Variants in CDK14 observed in about 807,000 individuals in gnomAD.
CDK14 encodes the protein cyclin dependent kinase 14.
Under a neutral mutation model 60.7 loss-of-function variants are expected in CDK14, and 34 were observed. The observed-to-expected ratio is 0.56, with a 90% CI of 0.43 to 0.75. The LOEUF (loss-of-function observed/expected upper bound fraction) is 0.75, where lower values mean the gene tolerates loss of function less well. CDK14 is among the 30% of genes least tolerant of loss of function. The pLI is 0.00. For synonymous variants in CDK14, 197 were observed against 203.7 expected (o/e 0.97, Z 0.28); for missense variants, 482 against 564.1 (o/e 0.85, Z 1.47).
At chr7:90,625,775 TC>T (rs898902969) in intron 2 of CDK14, among the ~76,000 whole-genome samples, 9 of 152,174 alleles carry the variant, frequency 5.9e-5, no homozygotes, top group Admixed American at 3.9e-4. Context: ...ATGGGATTGT[TC>T]CCCCGGCCAG....
At chr7:90,692,198 CGTTG>C (rs1801567188) in intron 2 of CDK14, among the ~76,000 whole-genome samples, 1 of 152,130 alleles carries the variant, frequency 6.6e-6, no homozygotes, top group South Asian at 2.1e-4. Context: ...CTTCTTATAT[CGTTG>C]GTCCATCGAA....
chr7:90,631,285 C>T (rs904905434), intron 2 of CDK14, among the ~76,000 whole-genome samples: 1 of 152,176 alleles, frequency 6.6e-6, no homozygotes, highest in Non-Finnish European at 1.5e-5. Context: ...TACATGGTGA[C>T]TCTTAGCCAG....
chr7:90,681,312 T>C (rs1261369059), intron 2 of CDK14, among the ~76,000 whole-genome samples: 1 of 152,218 alleles, frequency 6.6e-6, no homozygotes, highest in African/African-American at 2.4e-5. Flanking sequence ...CTGTGTACTT[T>C]TGGCAAACTG....
intron 2 of CDK14, among the ~76,000 whole-genome samples, chr7:90,651,196 G>A (rs1206325751): frequency 6.6e-6 from 1 of 152,076 alleles, no homozygotes; most frequent in Non-Finnish European, 1.5e-5. Context: ...TGGATTCCTA[G>A]GTATTTTATT....
At chr7:90,970,497 T>A (rs1393779442) in intron 9 of CDK14, among the ~76,000 whole-genome samples, 2 of 152,170 alleles carry the variant, frequency 1.3e-5, no homozygotes, top group Non-Finnish European at 2.9e-5. Context: ...GCTGACCAAA[T>A]AAAGACAGGT....
chr7:90,986,745 A>G (rs920244332), intron 10 of CDK14, among the ~76,000 whole-genome samples: 2 of 151,918 alleles, frequency 1.3e-5, no homozygotes, highest in Non-Finnish European at 1.5e-5. Context: ...AATATTTAGC[A>G]TTTTTATTTA....
At chr7:90,693,782 T>C (rs886844044) in intron 2 of CDK14, among the ~76,000 whole-genome samples, 4 of 152,338 alleles carry the variant, frequency 2.6e-5, no homozygotes, top group African/African-American at 7.2e-5. Context: ...GTAATGATCC[T>C]GTTTCTAGAT....
At chr7:90,764,004 G>C (rs1268084090) in intron 4 of CDK14, among the ~76,000 whole-genome samples, 1 of 151,802 alleles carries the variant, frequency 6.6e-6, no homozygotes, top group Non-Finnish European at 1.5e-5. Flanking sequence ...TATTTTTCTG[G>C]AACTTGGTAA....
chr7:90,597,982 G>A (rs989004557), intron 1 of CDK14, among the ~76,000 whole-genome samples: 1 of 152,088 alleles, frequency 6.6e-6, no homozygotes, highest in Non-Finnish European at 1.5e-5. Context: ...TCAGAATTAG[G>A]GATACATGTG....
chr7:90,898,381 C>T (rs1382116548), intron 6 of CDK14, among the ~76,000 whole-genome samples: 1 of 152,048 alleles, frequency 6.6e-6, no homozygotes, highest in Non-Finnish European at 1.5e-5. Context: ...ATAACAGAAC[C>T]TGAACTGTTG....
At chr7:90,882,443 AAAC>A (rs1399064121) in intron 6 of CDK14, among the ~76,000 whole-genome samples, 2 of 152,218 alleles carry the variant, frequency 1.3e-5, no homozygotes, top group East Asian at 3.9e-4. Context: ...CAGATTCATA[AAAC>A]AAGTTCTTAG....
intron 4 of CDK14, among the ~76,000 whole-genome samples, chr7:90,776,258 G>T (rs1427795483): frequency 6.6e-6 from 1 of 152,050 alleles, no homozygotes; most frequent in Non-Finnish European, 1.5e-5. Flanking sequence ...CATTTTGGTT[G>T]CTTGGTACTT....
chr7:91,189,694 C>A (rs1255466580), intron 14 of CDK14, among the ~76,000 whole-genome samples: 1 of 152,026 alleles, frequency 6.6e-6, no homozygotes, highest in Admixed American at 6.6e-5. Context: ...TCGATGTATC[C>A]AGTACTACTA....
intron 3 of CDK14, among the ~76,000 whole-genome samples, chr7:90,733,027 C>G (rs1802935704): frequency 1.3e-5 from 2 of 152,094 alleles, no homozygotes; most frequent in Non-Finnish European, 2.9e-5. Context: ...CCTGGAGATT[C>G]TGGTATGTTG....
intron 14 of CDK14, among the ~76,000 whole-genome samples, chr7:91,132,241 T>A (rs74763459): frequency 6.6e-6 from 1 of 152,106 alleles, no homozygotes; most frequent in Non-Finnish European, 1.5e-5. Flanking sequence ...GGAAGAGATT[T>A]TGAACAAAAG....
At chr7:91,046,046 C>T (rs1797223002) in intron 11 of CDK14, 86 bp downstream of exon 11, 5 of 863,670 alleles carry the variant, frequency 5.8e-6, no homozygotes, top group Non-Finnish European at 9.6e-6. Context: ...CAATATACCA[C>T]CTTGAAAAAT....
In CDK14 at chr7:91,172,937, G is replaced by GT. The variant is rs534252649; in HGVS notation, c.*29-34223dup. 3.9e-3 allele frequency among the ~76,000 whole-genome samples: 600 copies of GT among 152,172 alleles called. 8 individuals carry two copies. Among genetic ancestry groups the GT allele is most frequent in the African/African-American group, 0.014 (562 of 41,502 alleles). On this transcript the variant is annotated intron_variant, in intron 14 of 14. Coordinates refer to ENST00000380050, the MANE Select transcript of CDK14 (RefSeq NM_001287135.2). ...GTATGTTTCACATCCCATTCCTGTA[G>GT]TTTTTGAACGAGGATGAAGGTACCC...
rs943405070 is a variant in CDK14 at position 90,634,959 on chromosome 7, T to C, written c.123+30710T>C. ...TTGAGAAGTGTCTGTTCATGTCCTT[T>C]GCCCACTTTTTGATGGGGTTGTTTG... is the stretch of plus-strand genomic sequence containing the variant. On this transcript the variant is annotated intron_variant, in intron 2 of 14. Coordinates refer to ENST00000380050, the MANE Select transcript of CDK14 (RefSeq NM_001287135.2). Among the ~76,000 whole-genome samples, 16 of 152,168 alleles carry C rather than the reference T, an allele frequency of 1.1e-4. 1 individual carries two copies. The highest frequency in any genetic ancestry group is 2.0e-4 in the Admixed American group (3 of 15,270).
intron 2 of CDK14, among the ~76,000 whole-genome samples, chr7:90,684,832 CT>C (rs1161920507): frequency 6.6e-6 from 1 of 152,096 alleles, no homozygotes; most frequent in East Asian, 1.9e-4. Flanking sequence ...CATGTATCTA[CT>C]GCACATATAT....
Sources: gnomAD v4.1 joint callset for allele counts (sites outside exome capture counted in the v4.1 genomes callset) on GRCh38, gnomAD v4.1.1 for gene constraint, MANE v1.5 for transcripts, NCBI Gene and HGNC (gene_info 2026-07-23, HGNC 2026-07-21) for gene names.